XIRP2: variants seen among roughly 807,000 people sequenced by gnomAD.
XIRP2 encodes xin actin-binding repeat-containing protein 2.
Under a neutral mutation model 277.0 loss-of-function variants are expected in XIRP2, and 236 were observed. The ratio of observed to expected loss-of-function variants is 0.85; its 90% CI spans 0.77 to 0.95. The LOEUF is 0.95. Among genes scored for constraint, XIRP2 ranks in the 40% least tolerant of loss-of-function variants. The probability of loss-of-function intolerance (pLI) is 0.00; values close to 1 mark genes in which losing one functional copy is unlikely to be tolerated. For missense variants in XIRP2, 4,640 were observed against 4,157.5 expected, an observed-to-expected ratio of 1.12 and a Z score of -3.19; for synonymous variants, 1,490 against 1,416.5, an observed-to-expected ratio of 1.05 and a Z score of -1.17.
At chr2:167,051,427 T>A (rs12993857) in intron 2 of XIRP2, among the ~76,000 whole-genome samples, 29,089 of 152,108 alleles carry the variant, frequency 0.19, 2,975 homozygotes, top group Middle Eastern at 0.35. Context: ...GCTAAAGCAA[T>A]TAAAATGATA....
intron 2 of XIRP2, among the ~76,000 whole-genome samples, chr2:166,918,104 G>C (rs1407902112): frequency 6.6e-6 from 1 of 152,184 alleles, no homozygotes; most frequent in South Asian, 2.1e-4. Flanking sequence ...TGGAAATACA[G>C]TAAATCAATA....
At position 167,254,183 on chromosome 2, in the gene XIRP2, C is replaced by G; in HGVS notation, c.*39+18C>G. On this transcript the variant is annotated intron_variant, in intron 10 of 10. Transcript: ENST00000409195. ...AAACTAAGGTAAAATGTTTAATTGT[C>G]TTTGCCACAAATATTCCAGGAGCTG... The G allele has an allele frequency of 6.2e-7, 1 of 1,603,222 alleles. No individual in the cohort carries two copies. The highest frequency in any genetic ancestry group is 8.5e-7 in the Non-Finnish European group (1 of 1,174,732).
chr2:166,969,792 G>A (rs1044940146), intron 2 of XIRP2, among the ~76,000 whole-genome samples: 149 of 151,872 alleles, frequency 9.8e-4, no homozygotes, highest in African/African-American at 3.5e-3. Flanking sequence ...GAAAGCAAAT[G>A]AAGGGAACAA....
intron 2 of XIRP2, among the ~76,000 whole-genome samples, chr2:167,042,327 C>T (rs1410196432): frequency 6.6e-6 from 1 of 152,080 alleles, no homozygotes; most frequent in Non-Finnish European, 1.5e-5. Flanking sequence ...AGGATCAAAT[C>T]CTCACATACT....
chr2:167,182,405 C>CTGAT (rs923202125), intron 3 of XIRP2, among the ~76,000 whole-genome samples: 3 of 152,300 alleles, frequency 2.0e-5, no homozygotes, highest in African/African-American at 7.2e-5. Flanking sequence ...CATACCTCCC[C>CTGAT]TGATAGTTCG....
At chr2:166,951,958 A>G (rs1466713886) in intron 2 of XIRP2, among the ~76,000 whole-genome samples, 1 of 151,836 alleles carries the variant, frequency 6.6e-6, no homozygotes, top group Non-Finnish European at 1.5e-5. Flanking sequence ...ATGCTCTACC[A>G]CTCAGCGGTG....
chr2:167,022,393 A>G (rs376015877), intron 2 of XIRP2, among the ~76,000 whole-genome samples: 1 of 152,108 alleles, frequency 6.6e-6, no homozygotes, highest in East Asian at 1.9e-4. Flanking sequence ...TTAAGTATTA[A>G]CACATTTAAT....
intron 8 of XIRP2, 71 bp from the exon 9 acceptor site, chr2:167,242,498 G>T: frequency 6.7e-7 from 1 of 1,493,986 alleles, no homozygotes; most frequent in Non-Finnish European, 9.0e-7. Flanking sequence ...ACAGACCAAT[G>T]AAGGGCAGTG....
chr2:167,088,765 C>T (rs1015201225), intron 2 of XIRP2, among the ~76,000 whole-genome samples: 3 of 152,176 alleles, frequency 2.0e-5, no homozygotes, highest in Non-Finnish European at 2.9e-5. Context: ...TTTCTGCAAA[C>T]TCTTCCCTAT....
intron 2 of XIRP2, among the ~76,000 whole-genome samples, chr2:166,953,744 T>C (rs985608141): frequency 3.9e-5 from 6 of 151,986 alleles, no homozygotes; most frequent in African/African-American, 1.4e-4. Flanking sequence ...TAAAATACCA[T>C]TTTTCCACAA....
chr2:167,149,541 C>A (rs371861517), intron 3 of XIRP2, among the ~76,000 whole-genome samples: 1 of 152,008 alleles, frequency 6.6e-6, no homozygotes, highest in East Asian at 1.9e-4. Flanking sequence ...ATAGACTAGT[C>A]GGTGAATTAG....
chr2:167,248,055 T>A lies in XIRP2; in HGVS notation c.6663T>A (p.Asn2221Lys), dbSNP rs1380189599. ...TGCCTGTAGAGCAAGACACATCCAA[T>A]GTAACAGAAATGAAAGTCTCTGAAA... ...QLLPVEQDTS[N>K]VTEMKVSEKS... is the part of the protein sequence containing the mutation. Residue 2221 changes from asparagine to lysine, a missense_variant, in exon 9 of 11, where the codon AAT (asparagine) becomes AAA (lysine). By Grantham distance (94) the Asn-to-Lys change is moderately conservative. Coordinates refer to ENST00000409195, the MANE Select transcript of XIRP2 (RefSeq NM_152381.6). 1 of 1,613,582 alleles carries A rather than the reference T, an allele frequency of 6.2e-7. No homozygotes were observed. Among genetic ancestry groups the A allele is most frequent in the Admixed American group, 1.7e-5 (1 of 59,962 alleles).
chr2:167,172,326 A>G (rs1254052821), intron 3 of XIRP2, among the ~76,000 whole-genome samples: 1 of 152,236 alleles, frequency 6.6e-6, no homozygotes, highest in Non-Finnish European at 1.5e-5. Context: ...AGGCAGGGCA[A>G]GATCACAGGA....
intron 2 of XIRP2, among the ~76,000 whole-genome samples, chr2:167,111,655 G>A (rs1690758333): frequency 3.0e-5 from 4 of 132,568 alleles, no homozygotes; most frequent in South Asian, 5.0e-4. Flanking sequence ...TTCTCTGCCA[G>A]CTTTTGGTTA....
chr2:167,043,322 T>C (rs1688710303), intron 2 of XIRP2, among the ~76,000 whole-genome samples: 1 of 151,566 alleles, frequency 6.6e-6, no homozygotes, highest in South Asian at 2.1e-4. Context: ...AGGAAAGAAA[T>C]AACCAAAATC....
chr2:167,143,474 C>T (rs1227568704), intron 3 of XIRP2, among the ~76,000 whole-genome samples: 1 of 152,090 alleles, frequency 6.6e-6, no homozygotes, highest in Non-Finnish European at 1.5e-5. Context: ...CCTGCAAAAC[C>T]ATGAAGGGAT....
chr2:167,018,260 T>C (rs1251807823), intron 2 of XIRP2, among the ~76,000 whole-genome samples: 1 of 152,036 alleles, frequency 6.6e-6, no homozygotes, highest in Admixed American at 6.6e-5. Context: ...TAATGAAATT[T>C]CTGGCACTGG....
At chr2:167,208,776 TA>T (rs1693934167) in intron 3 of XIRP2, among the ~76,000 whole-genome samples, 1 of 152,206 alleles carries the variant, frequency 6.6e-6, no homozygotes, top group Non-Finnish European at 1.5e-5. Flanking sequence ...GAACTTCTAT[TA>T]AGATTACCAA....
In XIRP2 at chr2:167,030,765, G is replaced by C. The variant is rs1253548086; in HGVS notation, c.409-105144G>C. 6.0e-5 allele frequency among the ~76,000 whole-genome samples: 9 copies of C among 151,222 alleles called. 1 individual carries two copies. The highest frequency in any genetic ancestry group is 5.3e-4 in the Admixed American group (8 of 15,126). ...GCTGAGTTCAAGTCCTGAATACGGT[G>C]ATCTGTCTAATATCGACAGTGGGGT... On this transcript the variant is annotated intron_variant, in intron 2 of 10. Coordinates refer to ENST00000409195, the MANE Select transcript of XIRP2 (RefSeq NM_152381.6).
Sources: gnomAD v4.1 joint callset for allele counts (sites outside exome capture counted in the v4.1 genomes callset) on GRCh38, gnomAD v4.1.1 for gene constraint, MANE v1.5 for transcripts, NCBI Gene and HGNC (gene_info 2026-07-23, HGNC 2026-07-21) for gene names.